Variants in KIF15 observed in about 807,000 individuals in gnomAD.
The protein encoded by KIF15 is kinesin family member 15, also known as kinesin-like protein KIF15.
Under a neutral mutation model 190.6 loss-of-function variants are expected in KIF15, and 140 were observed. That is an observed-to-expected ratio of 0.73 (90% CI 0.64 to 0.84). KIF15 has a LOEUF of 0.84. KIF15 is among the 40% of genes least tolerant of loss of function. KIF15 has a pLI of 0.00. For synonymous variants in KIF15, 528 were observed against 551.3 expected, an observed-to-expected ratio of 0.96 and a Z score of 0.59; for missense variants, 1,372 against 1,584.4, an observed-to-expected ratio of 0.87 and a Z score of 2.28.
intron 6 of KIF15, among the ~76,000 whole-genome samples, chr3:44,865,974 C>G (rs533250944): frequency 4.6e-5 from 7 of 152,196 alleles, no homozygotes; most frequent in African/African-American, 1.4e-4. Context: ...CATTCCCTGC[C>G]ACTCTGTTCC....
chr3:44,868,564 G>T (rs1240579934), intron 6 of KIF15, among the ~76,000 whole-genome samples: 2 of 152,208 alleles, frequency 1.3e-5, no homozygotes, highest in African/African-American at 4.8e-5. Flanking sequence ...TGAGGACATA[G>T]CAAGAAGGAG....
At chr3:44,808,815 C>T (rs373333207) in intron 16 of KIF15, among the ~76,000 whole-genome samples, 5 of 152,102 alleles carry the variant, frequency 3.3e-5, no homozygotes, top group Non-Finnish European at 7.4e-5. Context: ...AAGGCATCTC[C>T]TTTGAGGGAC....
rs1559547496 is a variant in KIF15 at position 44,802,823 on chromosome 3, C to T, written c.1519C>T (p.His507Tyr). The part of the protein sequence containing the change: ...IQTLREQIEH[H>Y]PRVAKYAMEN... The stretch of plus-strand genomic sequence containing the variant: ...TTCTTCTATGTCACAGATAGAGCAC[C>T]ACCCCAGAGTTGCAAAGTATGCTAT... Residue 507 changes from histidine to tyrosine, a missense_variant, in exon 14 of 35, where the codon CAC becomes TAC. Physicochemically the swap from His to Tyr is moderately conservative, Grantham distance 83. Coordinates refer to ENST00000326047, the MANE Select transcript of KIF15 (RefSeq NM_020242.3). The T allele has an allele frequency of 1.9e-6, 3 of 1,568,234 alleles. No homozygotes were observed. The highest frequency in any genetic ancestry group is 2.6e-6 in the Non-Finnish European group (3 of 1,164,356).
At chr3:44,762,268 G>A (rs576398684) in intron 1 of KIF15, among the ~76,000 whole-genome samples, 19 of 152,278 alleles carry the variant, frequency 1.2e-4, no homozygotes, top group African/African-American at 4.3e-4. Context: ...ACCAGCTTCT[G>A]CGTATTTCTA....
At chr3:44,809,548 TA>T (rs534974215) in intron 16 of KIF15, among the ~76,000 whole-genome samples, 1 of 151,994 alleles carries the variant, frequency 6.6e-6, no homozygotes, top group Admixed American at 6.6e-5. Flanking sequence ...GGATTTAACT[TA>T]AAAAAAGTAA....
chr3:44,861,919 G>A, intron 6 of KIF15: 1 of 1,459,362 alleles, frequency 6.9e-7, no homozygotes, highest in East Asian at 3.0e-5. Context: ...GGTGTCAGCA[G>A]GCAACATGGC....
intron 26 of KIF15, among the ~76,000 whole-genome samples, chr3:44,838,003 G>A (rs1698409455): frequency 6.6e-6 from 1 of 152,186 alleles, no homozygotes; most frequent in African/African-American, 2.4e-5. Context: ...TCCTGGGGGT[G>A]AGGAGAGAAT....
chr3:44,780,159 T>C (rs1422436694), intron 4 of KIF15, among the ~76,000 whole-genome samples: 3 of 151,076 alleles, frequency 2.0e-5, no homozygotes, highest in African/African-American at 7.3e-5. Context: ...GTGATTCTAG[T>C]GCACCACAGC....
chr3:44,793,696 G>A (rs1706829929), intron 7 of KIF15, among the ~76,000 whole-genome samples: 6 of 152,054 alleles, frequency 3.9e-5, no homozygotes, highest in Admixed American at 3.9e-4. Flanking sequence ...AACAATGGAA[G>A]GCAATAGATA....
At chr3:44,864,778 T>C (rs991933255) in intron 6 of KIF15, among the ~76,000 whole-genome samples, 8 of 152,220 alleles carry the variant, frequency 5.3e-5, no homozygotes, top group Non-Finnish European at 8.8e-5. Context: ...ACCATGTACC[T>C]GCTGTGTCTA....
intron 7 of KIF15, among the ~76,000 whole-genome samples, chr3:44,787,783 A>G (rs913794941): frequency 2.0e-5 from 3 of 152,168 alleles, no homozygotes; most frequent in African/African-American, 7.2e-5. Flanking sequence ...ACTTTTTGTT[A>G]ACTTTATTCC....
intron 6 of KIF15, chr3:44,861,888 C>A: frequency 6.7e-7 from 1 of 1,486,972 alleles, no homozygotes; most frequent in Non-Finnish European, 8.9e-7. Context: ...CTCTGCCCTG[C>A]GGGCAGCGGG....
At chr3:44,862,971 A>G (rs1268656043) in intron 6 of KIF15, 2 of 152,062 alleles carry the variant, frequency 1.3e-5, no homozygotes, top group Non-Finnish European at 2.9e-5. Context: ...GTTGTCAGGA[A>G]CTAGACCTTC....
chr3:44,766,198 G>T (rs1705366147), intron 1 of KIF15, among the ~76,000 whole-genome samples: 1 of 152,206 alleles, frequency 6.6e-6, no homozygotes, highest in African/African-American at 2.4e-5. Context: ...GAAGAGATTA[G>T]GAGTTATCTG....
chr3:44,832,276 C>T lies in KIF15; in HGVS notation c.3171+1258C>T, dbSNP rs77731040. 4.6e-3 allele frequency among the ~76,000 whole-genome samples: 697 copies of T among 152,272 alleles called. 2 individuals carry two copies. The highest frequency in any genetic ancestry group is 0.014 in the Middle Eastern group (4 of 294). Reference sequence around the variant, plus strand: ...GTGCTGGCAGTGAAGTGGGGGCAGACTGAGCCTGTGTAGTGAAGTGTCTTG... The same window carrying T: ...GTGCTGGCAGTGAAGTGGGGGCAGATTGAGCCTGTGTAGTGAAGTGTCTTG... On this transcript the variant is annotated intron_variant, in intron 26 of 34. Transcript: ENST00000326047.
At chr3:44,866,887 T>C (rs944547222) in intron 6 of KIF15, among the ~76,000 whole-genome samples, 1 of 152,190 alleles carries the variant, frequency 6.6e-6, no homozygotes, top group African/African-American at 2.4e-5. Flanking sequence ...CCTGCCAACA[T>C]GTTTTGTACT....
rs149383695 is a variant in KIF15, at chr3:44,843,108, C to T, written c.3586-17C>T. 459 of 1,574,104 alleles carry T rather than the reference C, an allele frequency of 2.9e-4. 1 individual carries two copies. In the African/African-American group the frequency reaches 4.5e-3, roughly 16 times the overall value. On this transcript the variant is annotated splice_polypyrimidine_tract_variant and intron_variant, in intron 29 of 34. Transcript: ENST00000326047. ...CTGTAATGTGTTTTTTGAAAAGATA[C>T]GATTTGATGTTATTAGGAGCAGTTG...
At chr3:44,815,438 A>G (rs1026937328) in intron 20 of KIF15, among the ~76,000 whole-genome samples, 7 of 152,222 alleles carry the variant, frequency 4.6e-5, no homozygotes, top group Non-Finnish European at 8.8e-5. Flanking sequence ...CCCAATAGCC[A>G]TGTATTATCC....
rs34893204 is a variant in KIF15, at chr3:44,775,266, T to C, written c.75T>C (p.Asp25=). The change falls in exon 3 of 35, where the codon GAT becomes GAC. Residue 25 remains aspartate, a synonymous_variant. Coordinates refer to ENST00000326047, the MANE Select transcript of KIF15 (RefSeq NM_020242.3). The part of the protein sequence containing the change: ...GQSNQPSNEG[D]AIKVFVRIRP... ...TTTTTGTCTTTAGTAATGAAGGTGA[T>C]GCCATCAAAGTTTTTGTGCGAATTC... The C allele has an allele frequency of 1.2e-6, 2 of 1,613,118 alleles. No individual in the cohort carries two copies. Among genetic ancestry groups the C allele is most frequent in the African/African-American group, 1.3e-5 (1 of 74,860 alleles).
Sources: allele counts gnomAD v4.1 joint callset (sites outside exome capture counted in the v4.1 genomes callset), GRCh38; gene constraint gnomAD v4.1.1; transcripts MANE v1.5; gene names NCBI Gene and HGNC (gene_info 2026-07-23, HGNC 2026-07-21).